The following WT1 variants were observed in gnomAD, a reference collection of about 807,000 sequenced individuals.
WT1 encodes WT1 transcription factor, also known as Wilms tumor protein.
Under a neutral mutation model 60.8 loss-of-function variants are expected in WT1, and 8 were observed. The ratio of observed to expected loss-of-function variants is 0.13; its 90% confidence interval spans 0.08 to 0.24. The LOEUF (loss-of-function observed/expected upper bound fraction) is 0.24, where lower values mean the gene tolerates loss of function less well. Ranked by LOEUF, WT1 falls within the 10% of genes least tolerant of loss-of-function variation. WT1 has a pLI of 1.00. For synonymous variants in WT1, 312 were observed against 297.1 expected (o/e 1.05, Z -0.52); for missense variants, 568 against 711.8 (o/e 0.80, Z 2.30).
chr11:32,428,662 C>G (rs767472597), intron 1 of WT1, 43 bp from the exon 2 acceptor site: 2 of 1,600,212 alleles, frequency 1.2e-6, no homozygotes, highest in Non-Finnish European at 8.5e-7. Flanking sequence ...GCGGTGCTCT[C>G]GCAAGACGGG....
At chr11:32,397,604 G>A (rs997298895) in intron 6 of WT1, among the ~76,000 whole-genome samples, 8 of 151,826 alleles carry the variant, frequency 5.3e-5, no homozygotes, top group Non-Finnish European at 8.8e-5. Context: ...ACAGGTGTGA[G>A]CCACCATGCC....
At chr11:32,420,922 G>A (rs72909465) in intron 3 of WT1, among the ~76,000 whole-genome samples, 1 of 152,192 alleles carries the variant, frequency 6.6e-6, no homozygotes, top group Non-Finnish European at 1.5e-5. Flanking sequence ...TGGGGAGGAT[G>A]TATGGGACAG....
At chr11:32,390,445 G>A (rs1208059102) in intron 9 of WT1, among the ~76,000 whole-genome samples, 4 of 152,204 alleles carry the variant, frequency 2.6e-5, no homozygotes, top group Non-Finnish European at 5.9e-5. Context: ...TCAGGACTAA[G>A]TTAAAGAAGC....
rs1263392131 is a variant in WT1 at position 32,431,852 on chromosome 11, A to G, written c.661+2848T>C. Among the ~76,000 whole-genome samples the G allele has an allele frequency of 2.6e-5, 4 of 152,152 alleles. No individual in the cohort carries two copies. The East Asian group carries it at 5.8e-4, about 22-fold the overall frequency. ...TTTGGTGCCCCTCCCGCAGGCCAGA[A>G]GAAATCCATCTCAACGGTGGGGCCA... is the stretch of plus-strand genomic sequence containing the variant. On this transcript the variant is annotated intron_variant, in intron 1 of 9. Coordinates refer to ENST00000452863, the MANE Select transcript of WT1 (RefSeq NM_024426.6).
intron 6 of WT1, among the ~76,000 whole-genome samples, chr11:32,398,239 C>A (rs752907835): frequency 2.0e-5 from 3 of 152,192 alleles, no homozygotes; most frequent in Non-Finnish European, 2.9e-5. Context: ...ACTTGCCCCA[C>A]GTATCATGTG....
At chr11:32,391,439 A>G (rs970670422) in intron 9 of WT1, among the ~76,000 whole-genome samples, 6 of 152,250 alleles carry the variant, frequency 3.9e-5, no homozygotes, top group African/African-American at 1.4e-4. Context: ...AGCAGCCAGT[A>G]AATGAATGCC....
intron 5 of WT1, among the ~76,000 whole-genome samples, chr11:32,401,615 A>T (rs549348915): frequency 6.5e-4 from 99 of 152,108 alleles, no homozygotes; most frequent in African/African-American, 2.1e-3. Context: ...ATCTTGGCTC[A>T]CTGCAACCAC....
chr11:32,428,812 G>T, intron 1 of WT1, 193 bp from the exon 2 acceptor site: 1 of 793,456 alleles, frequency 1.3e-6, no homozygotes, highest in Non-Finnish European at 2.1e-6. Context: ...ATGTGACCTT[G>T]GGACAGGCTT....
chr11:32,398,761 G>T (rs892020786), intron 6 of WT1, among the ~76,000 whole-genome samples: 1 of 151,598 alleles, frequency 6.6e-6, no homozygotes, highest in Non-Finnish European at 1.5e-5. Flanking sequence ...AAGGGGGAAA[G>T]GCCACAAATA....
intron 3 of WT1, among the ~76,000 whole-genome samples, chr11:32,427,007 T>G (rs780081101): frequency 2.6e-5 from 4 of 151,820 alleles, no homozygotes; most frequent in Non-Finnish European, 5.9e-5. Context: ...CAGCCCCGGG[T>G]CCCCGCGCGG....
In WT1 at chr11:32,435,379, G is replaced by T; in HGVS notation, c.-19C>A. ...AGTCCAGGATCGCGGCGAGGAGACGGCGGGGCCCGGGCGCCTGGGCTGCCG... is the reference window on the plus strand; with the variant it reads ...AGTCCAGGATCGCGGCGAGGAGACGTCGGGGCCCGGGCGCCTGGGCTGCCG... On this transcript the variant is annotated 5_prime_UTR_variant, in exon 1 of 10. Transcript: ENST00000452863. 6.6e-7 allele frequency: 1 copy of T among 1,522,354 alleles called. No individual in the cohort carries two copies. Among genetic ancestry groups the T allele is most frequent in the Non-Finnish European group, 8.8e-7 (1 of 1,138,674 alleles). 94.3% of individuals were successfully genotyped at this position (1,522,354 alleles called of 1,614,324 possible).
intron 5 of WT1, among the ~76,000 whole-genome samples, chr11:32,406,382 A>C (rs1852309823): frequency 6.6e-6 from 1 of 152,112 alleles, no homozygotes; most frequent in Non-Finnish European, 1.5e-5. Context: ...GTCGCCACTG[A>C]TCTGACAGAA....
chr11:32,406,988 A>G lies in WT1; in HGVS notation c.1017-6944T>C, dbSNP rs538807369. On this transcript the variant is annotated intron_variant, in intron 5 of 9. Coordinates refer to ENST00000452863, the MANE Select transcript of WT1 (RefSeq NM_024426.6). ...GTGGTGGGCGCCTGTAATCCCAGCTACTTGGGAGGCTGAGTCGAGAGAATC... is the reference window on the plus strand; with the variant it reads ...GTGGTGGGCGCCTGTAATCCCAGCTGCTTGGGAGGCTGAGTCGAGAGAATC... 4.9e-4 allele frequency among the ~76,000 whole-genome samples: 74 copies of G among 152,130 alleles called. No individual in the cohort carries two copies. In the South Asian group the frequency reaches 0.015, roughly 31 times the overall value.
In WT1 at chr11:32,389,045, C is replaced by G. The variant is rs763645824; in HGVS notation, c.*13G>C. On this transcript the variant is annotated 3_prime_UTR_variant, in exon 10 of 10. Transcript: ENST00000452863. ...GCTGCCTGGGACACTGAACGGTCCC[C>G]GAGGGAGACCCCTCAAAGCGCCAGC... 1 of 1,614,130 alleles carries G rather than the reference C, an allele frequency of 6.2e-7. No individual in the cohort carries two copies. Among genetic ancestry groups the G allele is most frequent in the Non-Finnish European group, 8.5e-7 (1 of 1,180,004 alleles).
chr11:32,433,777 G>T (rs1590407106), intron 1 of WT1, among the ~76,000 whole-genome samples: 1 of 152,338 alleles, frequency 6.6e-6, no homozygotes, highest in Non-Finnish European at 1.5e-5. Context: ...GATACTTATC[G>T]TGTGCCGAGT....
chr11:32,417,208 G>A (rs537629804), intron 4 of WT1, among the ~76,000 whole-genome samples: 11 of 151,984 alleles, frequency 7.2e-5, no homozygotes, highest in Admixed American at 5.9e-4. Flanking sequence ...TTTGGATCCC[G>A]GACTTTGCAC....
At chr11:32,419,863 T>A (rs1409995751) in intron 3 of WT1, among the ~76,000 whole-genome samples, 3 of 152,174 alleles carry the variant, frequency 2.0e-5, no homozygotes, top group Admixed American at 1.3e-4. Flanking sequence ...CCGGCTAATT[T>A]TTGTATTTTT....
rs147126640 is a variant in WT1 at position 32,396,381 on chromosome 11, G to A, written c.1140C>T (p.Ala380=). The A allele has an allele frequency of 1.2e-6, 2 of 1,614,092 alleles. No homozygotes were observed. The highest frequency in any genetic ancestry group is 1.7e-5 in the Admixed American group (1 of 60,016). Residue 380 remains alanine, a synonymous_variant, in exon 7 of 10, where the codon GCC becomes GCT. Transcript: ENST00000452863. ...CAGATGCCGACCGTACAAGAGTCGG[G>A]GCTACTCCAGGCACACGTCGCACAT...
At chr11:32,397,061 T>C (rs1851996841) in intron 6 of WT1, among the ~76,000 whole-genome samples, 1 of 152,234 alleles carries the variant, frequency 6.6e-6, no homozygotes, top group South Asian at 2.1e-4. Flanking sequence ...TTCTGTGCTC[T>C]GCACACGTCC....
Sources: allele counts gnomAD v4.1 joint callset (sites outside exome capture counted in the v4.1 genomes callset), GRCh38; gene constraint gnomAD v4.1.1; transcripts MANE v1.5; gene names NCBI Gene and HGNC (gene_info 2026-07-23, HGNC 2026-07-21).